FAT1: variants seen among roughly 807,000 people sequenced by gnomAD.
The protein encoded by FAT1 is FAT atypical cadherin 1.
Under a neutral mutation model 329.8 loss-of-function variants are expected in FAT1, and 171 were observed. That is an observed-to-expected ratio of 0.52 (90% CI 0.46 to 0.59). The LOEUF (loss-of-function observed/expected upper bound fraction) is 0.59, where lower values mean the gene tolerates loss of function less well. Ranked by LOEUF, FAT1 falls within the 20% of genes least tolerant of loss-of-function variation. The pLI is 0.00. For missense variants in FAT1, 5,672 were observed against 5,774.4 expected, an observed-to-expected ratio of 0.98 and a Z score of 0.57; for synonymous variants, 2,233 against 2,228.6, an observed-to-expected ratio of 1.00 and a Z score of -0.06.
chr4:186,599,214 G>A (rs1034145395), intron 22 of FAT1, among the ~76,000 whole-genome samples: 2 of 152,190 alleles, frequency 1.3e-5, no homozygotes, highest in Admixed American at 6.5e-5. Flanking sequence ...CACACAGAAT[G>A]CAAATATACC....
intron 2 of FAT1, among the ~76,000 whole-genome samples, chr4:186,690,983 T>C (rs914753177): frequency 5.3e-5 from 8 of 152,212 alleles, no homozygotes; most frequent in African/African-American, 1.9e-4. Context: ...TTATTGTGGC[T>C]ACTAAAATAT....
chr4:186,692,376 A>C (rs925844675), intron 2 of FAT1, among the ~76,000 whole-genome samples: 15 of 151,934 alleles, frequency 9.9e-5, no homozygotes, highest in Admixed American at 6.6e-4. Flanking sequence ...GCAGTGGCGC[A>C]ATCTCGGTTC....
chr4:186,669,201 C>A (rs148963798), intron 2 of FAT1, among the ~76,000 whole-genome samples: 1 of 152,176 alleles, frequency 6.6e-6, no homozygotes, highest in Non-Finnish European at 1.5e-5. Context: ...AAGGTGCCTG[C>A]GCCCAGGCTG....
chr4:186,687,222 A>C (rs1743508973), intron 2 of FAT1, among the ~76,000 whole-genome samples: 1 of 152,150 alleles, frequency 6.6e-6, no homozygotes, highest in Admixed American at 6.5e-5. Flanking sequence ...CAAAACTAAC[A>C]ACCACTGTTT....
chr4:186,627,546 C>T (rs1740375193), intron 9 of FAT1, among the ~76,000 whole-genome samples: 2 of 152,110 alleles, frequency 1.3e-5, no homozygotes, highest in South Asian at 2.1e-4. Context: ...GCCCTTGCTG[C>T]CTCAAGCCCC....
intron 11 of FAT1, 27 bp downstream of exon 11, chr4:186,616,978 C>T (rs774583112): frequency 2.0e-5 from 31 of 1,587,248 alleles, no homozygotes; most frequent in Admixed American, 3.5e-5. Flanking sequence ...ATTCATAACA[C>T]ACAAATGTAA....
intron 10 of FAT1, among the ~76,000 whole-genome samples, chr4:186,617,457 T>C (rs1739767389): frequency 6.6e-6 from 1 of 152,218 alleles, no homozygotes; most frequent in Non-Finnish European, 1.5e-5. Flanking sequence ...ATATTTATTA[T>C]ACACTAAGTA....
intron 1 of FAT1, among the ~76,000 whole-genome samples, chr4:186,715,653 C>T (rs1297226481): frequency 3.3e-5 from 5 of 152,146 alleles, no homozygotes; most frequent in Admixed American, 1.3e-4. Flanking sequence ...GACTCCTTTG[C>T]TTATGGAAAT....
intron 2 of FAT1, among the ~76,000 whole-genome samples, chr4:186,686,622 T>G (rs1743485730): frequency 6.6e-6 from 1 of 152,214 alleles, no homozygotes; most frequent in Non-Finnish European, 1.5e-5. Flanking sequence ...GCTGTTCTTT[T>G]CCCAACTGCA....
At chr4:186,610,076 A>T (rs2126461364) in intron 14 of FAT1, 61 bp from the exon 15 acceptor site, 1 of 1,002,468 alleles carries the variant, frequency 1.0e-6, no homozygotes, top group Non-Finnish European at 1.5e-6. Context: ...TCCCACTATG[A>T]CTGAAATAGA....
chr4:186,706,571 T>C lies in FAT1; in HGVS notation c.3257A>G (p.Glu1086Gly), dbSNP rs763932354. Residue 1086 changes from glutamate (E) to glycine (G), a missense_variant, in exon 2 of 27, where the codon GAA becomes GGA. Glu to Gly is a moderately conservative substitution (Grantham distance 98). Transcript: ENST00000441802. Reference sequence around the variant, plus strand: ...AATAAAAACATATTTACCTGTCTCTTCACCTATTTTGAAAACACCAACGCC... The same window carrying C: ...AATAAAAACATATTTACCTGTCTCTCCACCTATTTTGAAAACACCAACGCC... ...GSGVGVFKIGEETGVIETSDR... is the reference protein window; with the variant it reads ...GSGVGVFKIGGETGVIETSDR... 27 of 1,602,480 alleles carry C rather than the reference T, an allele frequency of 1.7e-5. No individual in the cohort carries two copies. Among genetic ancestry groups the C allele is most frequent in the Non-Finnish European group, 2.3e-5 (27 of 1,172,550 alleles).
intron 16 of FAT1, among the ~76,000 whole-genome samples, chr4:186,607,269 C>G (rs1327669866): frequency 6.6e-6 from 1 of 152,200 alleles, no homozygotes; most frequent in Non-Finnish European, 1.5e-5. Flanking sequence ...TTCTCCTTCA[C>G]AGGCCTACCT....
rs371841895 is a variant in FAT1 at position 186,666,255 on chromosome 4, C to T, written c.3266-2642G>A. On this transcript the variant is annotated intron_variant, in intron 2 of 26. Transcript: ENST00000441802. Reference sequence around the variant, plus strand: ...ATAAAAATGAGCTAACTGGTTCCTCCGTACAGCAGACAACTGAAGATGAAC... The same window carrying T: ...ATAAAAATGAGCTAACTGGTTCCTCTGTACAGCAGACAACTGAAGATGAAC... Among the ~76,000 whole-genome samples, 27 of 152,204 alleles carry T rather than the reference C, an allele frequency of 1.8e-4. No individual in the cohort carries two copies. In the East Asian group the frequency reaches 2.7e-3, roughly 15 times the overall value.
At chr4:186,699,847 A>G (rs1361534482) in intron 2 of FAT1, among the ~76,000 whole-genome samples, 1 of 152,232 alleles carries the variant, frequency 6.6e-6, no homozygotes, top group Non-Finnish European at 1.5e-5. Flanking sequence ...AATCTCCAAC[A>G]TTTAAACTAA....
intron 2 of FAT1, among the ~76,000 whole-genome samples, chr4:186,666,713 T>C (rs1322396677): frequency 2.0e-5 from 3 of 152,248 alleles, no homozygotes; most frequent in African/African-American, 4.8e-5. Flanking sequence ...AACAATTTGC[T>C]CAGTGTTTAC....
At chr4:186,672,256 T>C (rs900562728) in intron 2 of FAT1, among the ~76,000 whole-genome samples, 29 of 152,236 alleles carry the variant, frequency 1.9e-4, no homozygotes, top group Non-Finnish European at 1.6e-4. Context: ...AAATATTTTA[T>C]GTTTTTGATA....
In FAT1 at chr4:186,620,442, A is replaced by G; in HGVS notation, c.6144T>C (p.Asp2048=). The change falls in exon 10 of 27, where the codon GAT becomes GAC. Residue 2048 remains aspartate (D), a synonymous_variant. Coordinates refer to ENST00000441802, the MANE Select transcript of FAT1 (RefSeq NM_005245.4). The part of the protein sequence containing the change: ...PFDREQQEAF[D]VVVEVTEEHK... ...GTTCCTCTGTCACTTCTACAACCAC[A>G]TCAAACGCCTCCTGCTGCTCACGAT... 2 of 1,613,998 alleles carry G rather than the reference A, an allele frequency of 1.2e-6. No individual in the cohort carries two copies. The highest frequency in any genetic ancestry group is 1.7e-6 in the Non-Finnish European group (2 of 1,179,892).
At chr4:186,691,021 T>C (rs908032943) in intron 2 of FAT1, among the ~76,000 whole-genome samples, 1 of 152,228 alleles carries the variant, frequency 6.6e-6, no homozygotes, top group African/African-American at 2.4e-5. Context: ...GACAGTACTA[T>C]TGGGCAGTGC....
At position 186,707,425 on chromosome 4, in the gene FAT1, C is replaced by T. The variant is rs2126688419; in HGVS notation, c.2403G>A (p.Gln801=). 1 of 1,614,032 alleles carries T rather than the reference C, an allele frequency of 6.2e-7. No homozygotes were observed. The highest frequency in any genetic ancestry group is 8.5e-7 in the Non-Finnish European group (1 of 1,179,906). The change falls in exon 2 of 27, where the codon CAG becomes CAA. Residue 801 remains glutamine, a synonymous_variant. Transcript: ENST00000441802. The part of the protein sequence containing the change: ...NITVYDLGIP[Q]KAAWRLLHVV... Reference sequence around the variant, plus strand: ...CATGTAGAAGACGCCACGCAGCCTTCTGGGGTATCCCAAGGTCATAGACGG... The same window carrying T: ...CATGTAGAAGACGCCACGCAGCCTTTTGGGGTATCCCAAGGTCATAGACGG...
Sources: allele counts gnomAD v4.1 joint callset (sites outside exome capture counted in the v4.1 genomes callset), GRCh38; gene constraint gnomAD v4.1.1; transcripts MANE v1.5; gene names NCBI Gene and HGNC (gene_info 2026-07-23, HGNC 2026-07-21).